PIP4K2A: variants seen among roughly 807,000 people sequenced by gnomAD.
PIP4K2A encodes the protein phosphatidylinositol 5-phosphate 4-kinase type-2 alpha.
A neutral mutation model predicts 42.9 loss-of-function variants in PIP4K2A; 14 were observed. That is an observed-to-expected ratio of 0.33 (90% CI 0.22 to 0.51). The LOEUF is 0.51. PIP4K2A is among the 20% of genes least tolerant of loss of function. The probability of loss-of-function intolerance (pLI) is 0.97; values close to 1 mark genes in which losing one functional copy is unlikely to be tolerated. For missense variants in PIP4K2A, 434 were observed against 519.8 expected (o/e 0.83, Z 1.61); for synonymous variants, 192 against 192.2 (o/e 1.00, Z 0.01).
intron 6 of PIP4K2A, among the ~76,000 whole-genome samples, chr10:22,567,298 C>G (rs574239415): frequency 1.3e-5 from 2 of 152,214 alleles, no homozygotes; most frequent in South Asian, 4.1e-4. Flanking sequence ...TACCTAAGGT[C>G]CAATAAGCCA....
At chr10:22,707,173 G>A (rs2130925749) in intron 1 of PIP4K2A, among the ~76,000 whole-genome samples, 1 of 152,264 alleles carries the variant, frequency 6.6e-6, no homozygotes, top group East Asian at 1.9e-4. Flanking sequence ...CCATGTGCCA[G>A]CAACTATTTA....
intron 1 of PIP4K2A, among the ~76,000 whole-genome samples, chr10:22,672,531 T>C (rs576279855): frequency 6.6e-6 from 1 of 152,316 alleles, no homozygotes; most frequent in Non-Finnish European, 1.5e-5. Flanking sequence ...TGTGAATATA[T>C]ACAGGGATAG....
chr10:22,653,988 G>C (rs1450219407), intron 1 of PIP4K2A, among the ~76,000 whole-genome samples: 2 of 152,204 alleles, frequency 1.3e-5, no homozygotes, highest in Non-Finnish European at 1.5e-5. Context: ...TGCTGTCTCT[G>C]AAGTGCCCAA....
chr10:22,600,834 A>C (rs1200975063), intron 3 of PIP4K2A, among the ~76,000 whole-genome samples: 1 of 152,174 alleles, frequency 6.6e-6, no homozygotes, highest in Non-Finnish European at 1.5e-5. Flanking sequence ...ACTGTGTTCA[A>C]AGCCCTGTGT....
intron 3 of PIP4K2A, among the ~76,000 whole-genome samples, chr10:22,596,063 G>A (rs1289819883): frequency 6.6e-6 from 1 of 151,824 alleles, no homozygotes; most frequent in Non-Finnish European, 1.5e-5. Flanking sequence ...AAATTATGCA[G>A]GCGTGGTGGG....
At chr10:22,558,290 A>G (rs1836601960) in intron 6 of PIP4K2A, among the ~76,000 whole-genome samples, 1 of 152,260 alleles carries the variant, frequency 6.6e-6, no homozygotes, top group African/African-American at 2.4e-5. Context: ...GTGCTTGCAA[A>G]AATCTTCATA....
chr10:22,660,175 T>C (rs187017860), intron 1 of PIP4K2A, among the ~76,000 whole-genome samples: 189 of 152,066 alleles, frequency 1.2e-3, no homozygotes, highest in African/African-American at 4.0e-3. Flanking sequence ...TCAGTGTTTA[T>C]AAATGCTTAC....
At chr10:22,618,808 C>T (rs767814185) in intron 1 of PIP4K2A, among the ~76,000 whole-genome samples, 2 of 152,172 alleles carry the variant, frequency 1.3e-5, no homozygotes, top group African/African-American at 4.8e-5. Context: ...AGGTGCAATA[C>T]CTACGACCTC....
At chr10:22,587,421 C>A (rs939500281) in intron 4 of PIP4K2A, among the ~76,000 whole-genome samples, 3 of 152,064 alleles carry the variant, frequency 2.0e-5, no homozygotes, top group African/African-American at 7.2e-5. Context: ...CAACAACAAG[C>A]AAGAAGAAAC....
At chr10:22,587,481 T>TA (rs1224879677) in intron 4 of PIP4K2A, among the ~76,000 whole-genome samples, 1 of 152,182 alleles carries the variant, frequency 6.6e-6, no homozygotes, top group Admixed American at 6.5e-5. Context: ...GTTTCTTAGA[T>TA]ACAAACCCTA....
At chr10:22,555,989 C>T (rs1836533147) in intron 6 of PIP4K2A, among the ~76,000 whole-genome samples, 1 of 151,946 alleles carries the variant, frequency 6.6e-6, no homozygotes, top group African/African-American at 2.4e-5. Flanking sequence ...GTCCTGGGCC[C>T]CATGCAGCCC....
intron 3 of PIP4K2A, among the ~76,000 whole-genome samples, chr10:22,604,243 T>C (rs1459352195): frequency 1.3e-5 from 2 of 152,328 alleles, no homozygotes; most frequent in South Asian, 2.1e-4. Flanking sequence ...TTTTCATTTA[T>C]CTTAAAAACT....
intron 1 of PIP4K2A, among the ~76,000 whole-genome samples, chr10:22,696,058 TC>T (rs1839965733): frequency 6.6e-6 from 1 of 152,190 alleles, no homozygotes; most frequent in Non-Finnish European, 1.5e-5. Context: ...CAAAAAATCA[TC>T]TGTAATCCCT....
At chr10:22,562,421 C>A (rs557949286) in intron 6 of PIP4K2A, among the ~76,000 whole-genome samples, 4 of 152,048 alleles carry the variant, frequency 2.6e-5, no homozygotes, top group Admixed American at 2.0e-4. Flanking sequence ...TAGTGACAGG[C>A]GCTTGTAGTC....
At position 22,609,736 on chromosome 10, in the gene PIP4K2A, A is replaced by C; in HGVS notation, c.145-19T>G. On this transcript the variant is annotated intron_variant, in intron 1 of 9. Transcript: ENST00000376573. ...CATTGATCTGGAAAAATATAAAATA[A>C]ATAGCATGGGTTATTACTATCCAGG... 1 of 1,435,948 alleles carries C rather than the reference A, an allele frequency of 7.0e-7. No individual in the cohort carries two copies. Among genetic ancestry groups the C allele is most frequent in the Middle Eastern group, 1.8e-4 (1 of 5,686 alleles). 89.0% of individuals were successfully genotyped at this position (1,435,948 alleles called of 1,614,324 possible).
At chr10:22,613,288 A>G (rs1838097257) in intron 1 of PIP4K2A, among the ~76,000 whole-genome samples, 1 of 152,108 alleles carries the variant, frequency 6.6e-6, no homozygotes, top group Non-Finnish European at 1.5e-5. Context: ...GCTGATTTCT[A>G]AGGAGCCTGG....
chr10:22,627,591 T>TTAAAAA (rs1838469308), intron 1 of PIP4K2A, among the ~76,000 whole-genome samples: 17 of 57,032 alleles, frequency 3.0e-4, no homozygotes, highest in South Asian at 8.3e-4. Flanking sequence ...TAATATGTAA[T>TTAAAAA]AAAAAAAAAA....
intron 1 of PIP4K2A, among the ~76,000 whole-genome samples, chr10:22,638,545 C>G (rs1838714672): frequency 6.6e-6 from 1 of 152,298 alleles, no homozygotes; most frequent in African/African-American, 2.4e-5. Context: ...CAGAACTACT[C>G]ATTTTTACTC....
intron 1 of PIP4K2A, among the ~76,000 whole-genome samples, chr10:22,622,261 A>G (rs1838347707): frequency 6.6e-6 from 1 of 152,216 alleles, no homozygotes; most frequent in Non-Finnish European, 1.5e-5. Context: ...ATGTGCTCCC[A>G]GATGCTGAGG....
Sources: gnomAD v4.1 joint callset for allele counts (sites outside exome capture counted in the v4.1 genomes callset) on GRCh38, gnomAD v4.1.1 for gene constraint, MANE v1.5 for transcripts, NCBI Gene and HGNC (gene_info 2026-07-23, HGNC 2026-07-21) for gene names.